The following EPB41L4A variants were observed in gnomAD, a reference collection of about 807,000 sequenced individuals.
EPB41L4A encodes band 4.1-like protein 4A.
EPB41L4A carries 100 observed loss-of-function variants against 108.6 expected under a neutral mutation model. The observed-to-expected ratio is 0.92, with a 90% CI of 0.78 to 1.09. EPB41L4A has a LOEUF of 1.09. Among genes scored for constraint, EPB41L4A ranks in the 50% least tolerant of loss-of-function variants. The pLI is 0.00. For missense variants in EPB41L4A, 1,030 were observed against 842.7 expected (o/e 1.22, Z -2.75); for synonymous variants, 319 against 289.0 (o/e 1.10, Z -1.05).
At chr5:112,224,875 T>C (rs1748346903) in intron 12 of EPB41L4A, among the ~76,000 whole-genome samples, 1 of 152,198 alleles carries the variant, frequency 6.6e-6, no homozygotes, top group African/African-American at 2.4e-5. Flanking sequence ...TCCTCCACCA[T>C]ATTTTCAGAA....
intron 2 of EPB41L4A, among the ~76,000 whole-genome samples, chr5:112,294,294 G>A (rs1449697567): frequency 2.0e-5 from 3 of 152,182 alleles, no homozygotes; most frequent in Non-Finnish European, 4.4e-5. Flanking sequence ...GTGGGAAGGG[G>A]AGGTGTGGGA....
intron 12 of EPB41L4A, among the ~76,000 whole-genome samples, chr5:112,223,358 T>G (rs913679926): frequency 1.6e-4 from 24 of 152,124 alleles, no homozygotes; most frequent in Admixed American, 1.6e-3. Context: ...ATGAGTAACT[T>G]ATGGCCAAAC....
rs1240344070 is a variant in EPB41L4A, at chr5:112,184,049, G to A, written c.1589C>T (p.Pro530Leu). The A allele has an allele frequency of 1.2e-6, 2 of 1,613,984 alleles. No individual in the cohort carries two copies. The highest frequency in any genetic ancestry group is 2.2e-5 in the South Asian group (2 of 91,070). Residue 530 changes from proline to leucine, a missense_variant, in exon 18 of 23, where the codon CCC becomes CTC. Coordinates refer to ENST00000261486, the MANE Select transcript of EPB41L4A (RefSeq NM_022140.5). ...TCTGTGTCTGGATCGCCTGTTGTTG[G>A]GGTCGGCTTGGTTTTTTTCCTTTTG... ...RRQKEKNQAD[P>L]NNRRSRHRSR...
upstream of EPB41L4A, chr5:112,419,817 C>G (rs1041345647): frequency 1.8e-5 from 8 of 456,642 alleles, no homozygotes; most frequent in Non-Finnish European, 3.5e-5. Context: ...CGGGGACTCC[C>G]GAGCTCATTA....
chr5:112,390,701 C>A (rs1313306800), intron 1 of EPB41L4A, among the ~76,000 whole-genome samples: 1 of 152,152 alleles, frequency 6.6e-6, no homozygotes, highest in East Asian at 1.9e-4. Context: ...CAGTGGTTCT[C>A]CCAGCACAGT....
intron 1 of EPB41L4A, among the ~76,000 whole-genome samples, chr5:112,309,893 G>T (rs943892516): frequency 6.6e-6 from 1 of 152,182 alleles, no homozygotes; most frequent in Non-Finnish European, 1.5e-5. Context: ...GGACCTGAGG[G>T]GAGCCCCCAG....
At chr5:112,314,967 T>G (rs1395194987) in intron 1 of EPB41L4A, among the ~76,000 whole-genome samples, 3 of 152,134 alleles carry the variant, frequency 2.0e-5, no homozygotes, top group Admixed American at 6.5e-5. Context: ...AAATTTTGTC[T>G]TCGATAATAA....
intron 15 of EPB41L4A, among the ~76,000 whole-genome samples, chr5:112,200,998 T>G (rs1762192948): frequency 1.3e-5 from 2 of 152,236 alleles, no homozygotes. Context: ...TTGAGATTCT[T>G]CCATGCTGAT....
downstream of EPB41L4A, chr5:112,160,886 C>T (rs781480287): frequency 9.0e-5 from 14 of 156,238 alleles, no homozygotes; most frequent in African/African-American, 1.2e-4. Flanking sequence ...TTGGTGCGAG[C>T]TTGCTGTGGT....
At chr5:112,172,294 T>G (rs921127676) in intron 18 of EPB41L4A, among the ~76,000 whole-genome samples, 3 of 152,092 alleles carry the variant, frequency 2.0e-5, no homozygotes, top group African/African-American at 7.2e-5. Context: ...GTGGATCACT[T>G]GAGGTCAGGA....
At position 112,407,825 on chromosome 5, in the gene EPB41L4A, C is replaced by G. The variant is rs76164858; in HGVS notation, c.99+11116G>C. Reference sequence around the variant, plus strand: ...TAGCAGCAGCAGGACTAAAACAATCCTTCAATCAGTCTTTTGACAAATATT... The same window carrying G: ...TAGCAGCAGCAGGACTAAAACAATCGTTCAATCAGTCTTTTGACAAATATT... On this transcript the variant is annotated intron_variant, in intron 1 of 22. Coordinates refer to ENST00000261486, the MANE Select transcript of EPB41L4A (RefSeq NM_022140.5). Among the ~76,000 whole-genome samples, 5 of 152,164 alleles carry G rather than the reference C, an allele frequency of 3.3e-5. No homozygotes were observed. The South Asian group carries it at 8.3e-4, about 25-fold the overall frequency.
chr5:112,253,333 A>C (rs1750829456), intron 9 of EPB41L4A, among the ~76,000 whole-genome samples: 1 of 152,156 alleles, frequency 6.6e-6, no homozygotes, highest in Admixed American at 6.6e-5. Context: ...AATCATGAGG[A>C]AACAGCTGAA....
chr5:112,254,121 T>C (rs773970920), intron 9 of EPB41L4A, among the ~76,000 whole-genome samples: 6 of 152,202 alleles, frequency 3.9e-5, no homozygotes, highest in Non-Finnish European at 8.8e-5. Context: ...TACATAAAAG[T>C]AAGCACAGCA....
intron 1 of EPB41L4A, among the ~76,000 whole-genome samples, chr5:112,341,862 A>C (rs1757343897): frequency 6.6e-6 from 1 of 152,226 alleles, no homozygotes. Context: ...ATCAAAAAGA[A>C]AAATGGAAAA....
intron 4 of EPB41L4A, among the ~76,000 whole-genome samples, chr5:112,269,930 G>A (rs561429567): frequency 6.6e-6 from 1 of 152,226 alleles, no homozygotes; most frequent in East Asian, 1.9e-4. Context: ...CACTCTATCT[G>A]TACTTAACAC....
intron 1 of EPB41L4A, among the ~76,000 whole-genome samples, chr5:112,329,446 C>A (rs780381381): frequency 1.3e-5 from 2 of 152,196 alleles, no homozygotes; most frequent in African/African-American, 2.4e-5. Context: ...TACAAACCCT[C>A]CCTATTTAGT....
intron 2 of EPB41L4A, among the ~76,000 whole-genome samples, chr5:112,294,594 G>A (rs924503373): frequency 4.6e-5 from 7 of 152,048 alleles, no homozygotes; most frequent in African/African-American, 1.7e-4. Context: ...CACACTCTGT[G>A]GATGGTAATG....
intron 4 of EPB41L4A, among the ~76,000 whole-genome samples, chr5:112,267,131 C>T (rs758681259): frequency 1.8e-4 from 27 of 152,076 alleles, no homozygotes; most frequent in Non-Finnish European, 3.7e-4. Context: ...AGCTATTCTG[C>T]TAGTGGACTG....
rs1292642140 is a variant in EPB41L4A at position 112,278,801 on chromosome 5, C to G, written c.256+1471G>C. On this transcript the variant is annotated intron_variant, in intron 3 of 22. Coordinates refer to ENST00000261486, the MANE Select transcript of EPB41L4A (RefSeq NM_022140.5). ...GGGTGCAATGGCTCACACCTGTAATCCCAGCACTTTTGGAAGGCTCAGGTG... is the reference window on the plus strand; with the variant it reads ...GGGTGCAATGGCTCACACCTGTAATGCCAGCACTTTTGGAAGGCTCAGGTG... Among the ~76,000 whole-genome samples the G allele has an allele frequency of 2.6e-5, 4 of 151,166 alleles. No homozygotes were observed. The East Asian group carries it at 5.9e-4, about 22-fold the overall frequency.
Sources: gnomAD v4.1 joint callset for allele counts (sites outside exome capture counted in the v4.1 genomes callset) on GRCh38, gnomAD v4.1.1 for gene constraint, MANE v1.5 for transcripts, NCBI Gene and HGNC (gene_info 2026-07-23, HGNC 2026-07-21) for gene names.